Variants in ASTN2 observed in about 807,000 individuals in gnomAD.
The protein encoded by ASTN2 is astrotactin-2.
Under a neutral mutation model 139.8 loss-of-function variants are expected in ASTN2, and 54 were observed. The ratio of observed to expected loss-of-function variants is 0.39; its 90% CI spans 0.31 to 0.48. The LOEUF (loss-of-function observed/expected upper bound fraction) is 0.48, where lower values mean the gene tolerates loss of function less well. Ranked by LOEUF, ASTN2 falls within the 20% of genes least tolerant of loss-of-function variation. The pLI is 0.95. For missense variants in ASTN2, 1,565 were observed against 1,725.1 expected, an observed-to-expected ratio of 0.91 and a Z score of 1.64; for synonymous variants, 756 against 719.5, an observed-to-expected ratio of 1.05 and a Z score of -0.81.
chr9:117,071,618 C>T (rs1261384190), intron 5 of ASTN2, among the ~76,000 whole-genome samples: 3 of 149,188 alleles, frequency 2.0e-5, no homozygotes, highest in Non-Finnish European at 4.5e-5. Flanking sequence ...GCCTCGCTGC[C>T]GCCTTGCAGT....
At chr9:117,317,661 T>G (rs1291385980) in intron 1 of ASTN2, among the ~76,000 whole-genome samples, 1 of 152,174 alleles carries the variant, frequency 6.6e-6, no homozygotes, top group African/African-American at 2.4e-5. Flanking sequence ...TAAAGATGCT[T>G]TAAGTGCCCC....
chr9:116,504,589 ATAT>A (rs1242164121), intron 19 of ASTN2, among the ~76,000 whole-genome samples: 1 of 152,152 alleles, frequency 6.6e-6, no homozygotes, highest in African/African-American at 2.4e-5. Context: ...AGTAATAATA[ATAT>A]TATTCAGAAT....
At chr9:116,798,391 TGTA>T (rs1207637367) in intron 13 of ASTN2, among the ~76,000 whole-genome samples, 1 of 152,226 alleles carries the variant, frequency 6.6e-6, no homozygotes, top group African/African-American at 2.4e-5. Context: ...AATAGAATGA[TGTA>T]GTATAGTTCT....
chr9:116,845,638 A>G (rs962722049), intron 11 of ASTN2, among the ~76,000 whole-genome samples: 32 of 152,218 alleles, frequency 2.1e-4, no homozygotes, highest in Admixed American at 2.1e-3. Context: ...GATGACCAAA[A>G]TGATTAGTGA....
rs1464630329 is a variant in ASTN2 at position 117,192,281 on chromosome 9, C to T, written c.1015+22077G>A. ...AGCAAAAAAGCCGCAGAGGCAGGGT[C>T]TGGTCCAGGATGGCCTTGTGAACTC... is the stretch of plus-strand genomic sequence containing the variant. On this transcript the variant is annotated intron_variant, in intron 3 of 22. Transcript: ENST00000313400. Among the ~76,000 whole-genome samples, 3 of 151,990 alleles carry T rather than the reference C, an allele frequency of 2.0e-5. No homozygotes were observed. The East Asian group carries it at 5.8e-4, about 30-fold the overall frequency.
At chr9:117,411,869 C>T (rs1831171135) in intron 1 of ASTN2, among the ~76,000 whole-genome samples, 1 of 152,164 alleles carries the variant, frequency 6.6e-6, no homozygotes, top group Non-Finnish European at 1.5e-5. Flanking sequence ...CCCAACTCGC[C>T]AGAGACAAAC....
intron 13 of ASTN2, among the ~76,000 whole-genome samples, chr9:116,796,969 G>A (rs1445866821): frequency 6.6e-6 from 1 of 150,516 alleles, no homozygotes; most frequent in Non-Finnish European, 1.5e-5. Flanking sequence ...ACAACACCAT[G>A]TTCAGCTAAC....
chr9:116,929,949 A>G (rs371676898), intron 10 of ASTN2, among the ~76,000 whole-genome samples: 125 of 152,318 alleles, frequency 8.2e-4, no homozygotes, highest in African/African-American at 2.9e-3. Flanking sequence ...CCTGCTAATG[A>G]GGCAGTCAAT....
chr9:116,891,797 C>G (rs1217060102), intron 10 of ASTN2, among the ~76,000 whole-genome samples: 1 of 152,176 alleles, frequency 6.6e-6, no homozygotes. Flanking sequence ...TTTTAAAGTA[C>G]AGTCTCTGGA....
At chr9:117,161,575 A>G (rs576937412) in intron 3 of ASTN2, among the ~76,000 whole-genome samples, 7 of 152,062 alleles carry the variant, frequency 4.6e-5, no homozygotes, top group Admixed American at 2.0e-4. Flanking sequence ...TGTTTTTTAA[A>G]TAGAGACGGG....
chr9:116,524,462 C>T (rs984796990), intron 19 of ASTN2, among the ~76,000 whole-genome samples: 3 of 152,150 alleles, frequency 2.0e-5, no homozygotes, highest in Non-Finnish European at 4.4e-5. Context: ...TGCAGGCTTT[C>T]ACTGCTTTCT....
intron 1 of ASTN2, among the ~76,000 whole-genome samples, chr9:117,319,153 T>G (rs1828240354): frequency 6.6e-6 from 1 of 152,196 alleles, no homozygotes; most frequent in African/African-American, 2.4e-5. Flanking sequence ...TTTTTTTTAT[T>G]AAATATGTAG....
intron 6 of ASTN2, among the ~76,000 whole-genome samples, chr9:117,024,321 A>AT (rs1265125385): frequency 6.6e-6 from 1 of 152,168 alleles, no homozygotes; most frequent in African/African-American, 2.4e-5. Context: ...TTGTGACGTA[A>AT]TTTTGGGTTT....
At chr9:117,378,543 C>G (rs1235955205) in intron 1 of ASTN2, among the ~76,000 whole-genome samples, 1 of 152,164 alleles carries the variant, frequency 6.6e-6, no homozygotes, top group African/African-American at 2.4e-5. Flanking sequence ...ATCAGTTGTT[C>G]CCTTTCCTCC....
chr9:117,045,995 T>TACGTAAGTAC (rs1402092655), intron 5 of ASTN2, among the ~76,000 whole-genome samples: 1 of 122,762 alleles, frequency 8.1e-6, no homozygotes, highest in Non-Finnish European at 1.7e-5. Context: ...TACGTACGTA[T>TACGTAAGTAC]GTATGTATGT....
In ASTN2 at chr9:117,070,649, A is replaced by G. The variant is rs1347265785; in HGVS notation, c.1276+25395T>C. Among the ~76,000 whole-genome samples the G allele has an allele frequency of 2.4e-4, 35 of 145,544 alleles. 1 individual carries two copies. The highest frequency in any genetic ancestry group is 8.3e-4 in the African/African-American group (32 of 38,648). On this transcript the variant is annotated intron_variant, in intron 5 of 22. Coordinates refer to ENST00000313400, the MANE Select transcript of ASTN2 (RefSeq NM_001365068.1). ...CTCCCCATCACTTTCAGGTACACCA[A>G]TGAGACGTAGATTTGGTCTTTTCAC...
intron 10 of ASTN2, among the ~76,000 whole-genome samples, chr9:116,916,332 A>G: frequency 6.6e-6 from 1 of 152,194 alleles, no homozygotes; most frequent in East Asian, 1.9e-4. Context: ...CAGAGTAGCA[A>G]CTTTGTCCAA....
chr9:117,316,675 C>T (rs1260275581), intron 1 of ASTN2, among the ~76,000 whole-genome samples: 1 of 152,130 alleles, frequency 6.6e-6, no homozygotes, highest in Non-Finnish European at 1.5e-5. Flanking sequence ...ATTGAATGAC[C>T]GGAACACTCT....
At chr9:116,473,947 G>C (rs1453310731) in intron 20 of ASTN2, among the ~76,000 whole-genome samples, 2 of 151,986 alleles carry the variant, frequency 1.3e-5, no homozygotes, top group Non-Finnish European at 2.9e-5. Flanking sequence ...TATGTACTTG[G>C]TATGTGTTTA....
Sources: allele counts gnomAD v4.1 joint callset (sites outside exome capture counted in the v4.1 genomes callset), GRCh38; gene constraint gnomAD v4.1.1; transcripts MANE v1.5; gene names NCBI Gene and HGNC (gene_info 2026-07-23, HGNC 2026-07-21).